RGL1: variants seen among roughly 807,000 people sequenced by gnomAD.
The protein encoded by RGL1 is ral guanine nucleotide dissociation stimulator like 1, also known as ral guanine nucleotide dissociation stimulator-like 1.
A neutral mutation model predicts 95.2 loss-of-function variants in RGL1; 24 were observed. That is an observed-to-expected ratio of 0.25 (90% CI 0.18 to 0.35). The LOEUF is 0.35. Among genes scored for constraint, RGL1 ranks in the 10% least tolerant of loss-of-function variants. The pLI is 1.00. For synonymous variants in RGL1, 329 were observed against 344.9 expected, an observed-to-expected ratio of 0.95 and a Z score of 0.51; for missense variants, 715 against 936.3, an observed-to-expected ratio of 0.76 and a Z score of 3.08.
chr1:183,767,972 C>G (rs1659070222), intron 2 of RGL1, among the ~76,000 whole-genome samples: 1 of 152,014 alleles, frequency 6.6e-6, no homozygotes, highest in Non-Finnish European at 1.5e-5. Flanking sequence ...AAAAATTGCC[C>G]AACTGCCATG....
chr1:183,856,804 T>A (rs184016741), intron 3 of RGL1, among the ~76,000 whole-genome samples: 16 of 152,006 alleles, frequency 1.1e-4, no homozygotes, highest in Admixed American at 1.0e-3. Context: ...GGTATGAAAA[T>A]GGTTATAATA....
intron 17 of RGL1, among the ~76,000 whole-genome samples, chr1:183,924,149 T>G (rs1391449404): frequency 1.4e-5 from 2 of 143,692 alleles, no homozygotes; most frequent in African/African-American, 5.1e-5. Flanking sequence ...ATCATTCTGC[T>G]ATAAAGACAC....
chr1:183,752,575 T>G (rs1658072125), intron 2 of RGL1, among the ~76,000 whole-genome samples: 1 of 152,126 alleles, frequency 6.6e-6, no homozygotes, highest in Non-Finnish European at 1.5e-5. Context: ...AATCTCATTC[T>G]TTGCTCATCA....
intron 2 of RGL1, among the ~76,000 whole-genome samples, chr1:183,758,477 A>G (rs1024745882): frequency 1.2e-4 from 19 of 152,236 alleles, no homozygotes; most frequent in African/African-American, 4.1e-4. Flanking sequence ...GATTACAGGC[A>G]TGAGCCACCG....
intron 2 of RGL1, among the ~76,000 whole-genome samples, chr1:183,793,509 G>C (rs1660536348): frequency 6.6e-6 from 1 of 152,076 alleles, no homozygotes; most frequent in African/African-American, 2.4e-5. Context: ...GAAAGTATTT[G>C]CAAACTATTC....
chr1:183,883,398 A>G (rs1490273572), intron 5 of RGL1, among the ~76,000 whole-genome samples: 1 of 152,186 alleles, frequency 6.6e-6, no homozygotes, highest in Non-Finnish European at 1.5e-5. Context: ...TTCTGGTTAT[A>G]AGTCGCCCAG....
intron 2 of RGL1, among the ~76,000 whole-genome samples, chr1:183,841,248 A>G (rs1033119339): frequency 6.6e-6 from 1 of 152,216 alleles, no homozygotes; most frequent in Non-Finnish European, 1.5e-5. Flanking sequence ...ACACAATTAC[A>G]TTTCAAATTC....
At chr1:183,660,405 A>G (rs544095538) in intron 1 of RGL1, among the ~76,000 whole-genome samples, 55 of 150,458 alleles carry the variant, frequency 3.7e-4, no homozygotes, top group Non-Finnish European at 5.4e-4. Context: ...AGAGGTTGCA[A>G]TCCTAGTCTC....
chr1:183,745,441 A>G (rs2102266847), intron 2 of RGL1, among the ~76,000 whole-genome samples: 1 of 152,210 alleles, frequency 6.6e-6, no homozygotes, highest in South Asian at 2.1e-4. Flanking sequence ...TGTGTTTCCT[A>G]AAAGTTCTAA....
intron 2 of RGL1, among the ~76,000 whole-genome samples, chr1:183,776,347 A>G (rs1659601012): frequency 6.6e-6 from 1 of 151,350 alleles, no homozygotes; most frequent in Non-Finnish European, 1.5e-5. Context: ...ACGGGGTTTC[A>G]CCGTGTTAGC....
rs1004495279 is a variant in RGL1, at chr1:183,712,805, T to C, written c.-32-29321T>C. Among the ~76,000 whole-genome samples, 5 of 152,332 alleles carry C rather than the reference T, an allele frequency of 3.3e-5. No homozygotes were observed. The South Asian group carries it at 1.0e-3, about 32-fold the overall frequency. ...GAATTGTGGAAATCAAGTTTTCTGG[T>C]CTAAAATAAATGTTTTGTGGCATTC... On this transcript the variant is annotated intron_variant, in intron 1 of 18. Transcript: ENST00000304685.
At chr1:183,840,252 A>G (rs1663952523) in intron 2 of RGL1, among the ~76,000 whole-genome samples, 1 of 152,228 alleles carries the variant, frequency 6.6e-6, no homozygotes, top group Non-Finnish European at 1.5e-5. Context: ...GAGGGAGGTT[A>G]GAGCAATATT....
At chr1:183,898,493 C>T (rs1187932801) in intron 10 of RGL1, among the ~76,000 whole-genome samples, 1 of 152,196 alleles carries the variant, frequency 6.6e-6, no homozygotes, top group Non-Finnish European at 1.5e-5. Flanking sequence ...TCATTTTAAA[C>T]TTCTGACTGT....
At chr1:183,847,858 T>C in intron 3 of RGL1, 84 bp downstream of exon 3, 1 of 977,014 alleles carries the variant, frequency 1.0e-6, no homozygotes, top group Admixed American at 2.0e-5. Flanking sequence ...CACCTGCACT[T>C]GGTATTCGGA....
intron 1 of RGL1, among the ~76,000 whole-genome samples, chr1:183,695,398 C>G (rs773043511): frequency 7.2e-5 from 11 of 152,074 alleles, no homozygotes; most frequent in African/African-American, 2.2e-4. Flanking sequence ...TTGCTAGACT[C>G]GTAAAGCATT....
At chr1:183,746,637 T>G (rs1038555610) in intron 2 of RGL1, among the ~76,000 whole-genome samples, 3 of 136,092 alleles carry the variant, frequency 2.2e-5, no homozygotes, top group African/African-American at 7.8e-5. Flanking sequence ...TTTTTTTTTT[T>G]TAGTTTTCTT....
intron 1 of RGL1, among the ~76,000 whole-genome samples, chr1:183,733,947 C>T (rs75415617): frequency 1.3e-5 from 2 of 152,214 alleles, no homozygotes; most frequent in East Asian, 3.9e-4. Flanking sequence ...TACATGCTCT[C>T]CCAGAAGTGT....
chr1:183,648,237 G>T, intron 1 of RGL1: 1 of 1,614,012 alleles, frequency 6.2e-7, no homozygotes, highest in East Asian at 2.2e-5. Flanking sequence ...AACAACCCGC[G>T]GCCATAAGCT....
At chr1:183,801,897 G>A (rs1343031771), upstream of RGL1, among the ~76,000 whole-genome samples, 1 of 152,186 alleles carries the variant, frequency 6.6e-6, no homozygotes, top group Non-Finnish European at 1.5e-5. Flanking sequence ...ACAATACCTT[G>A]AGGATGGTAC....
Sources: gnomAD v4.1 joint callset for allele counts (sites outside exome capture counted in the v4.1 genomes callset) on GRCh38, gnomAD v4.1.1 for gene constraint, MANE v1.5 for transcripts, NCBI Gene and HGNC (gene_info 2026-07-23, HGNC 2026-07-21) for gene names.